Variants in ORC3 observed in about 807,000 individuals in gnomAD.
The protein encoded by ORC3 is homolog of latheo, Drosophila.
ORC3 carries 78 observed loss-of-function variants against 100.7 expected under a neutral mutation model. The observed-to-expected ratio is 0.77, with a 90% CI of 0.65 to 0.94. ORC3 has a LOEUF of 0.94. ORC3 is among the 40% of genes least tolerant of loss of function. ORC3 has a pLI of 0.00. For missense variants in ORC3, 789 were observed against 823.9 expected (o/e 0.96, Z 0.52); for synonymous variants, 295 against 289.3 (o/e 1.02, Z -0.20).
At chr6:87,676,105 A>C in the ORC3 span, among the ~76,000 whole-genome samples, 6 of 152,194 alleles carry the variant, frequency 3.9e-5, no homozygotes, top group African/African-American at 7.2e-5. Context: ...TTAGTCAGGA[A>C]ACCTAGGTTT....
At chr6:87,675,765 T>C in the ORC3 span, 1 of 1,474,870 alleles carries the variant, frequency 6.8e-7, no homozygotes, top group Non-Finnish European at 9.4e-7. Flanking sequence ...GTAATTTTGT[T>C]GAATTCTCTT....
At chr6:87,642,388 C>A (rs547398758) in intron 13 of ORC3, among the ~76,000 whole-genome samples, 1 of 151,608 alleles carries the variant, frequency 6.6e-6, no homozygotes, top group Middle Eastern at 3.2e-3. Context: ...GTCAGGAGTT[C>A]GAGACCAGCC....
At chr6:87,623,232 T>A (rs1779654682) in intron 11 of ORC3, among the ~76,000 whole-genome samples, 1 of 152,240 alleles carries the variant, frequency 6.6e-6, no homozygotes, top group Admixed American at 6.5e-5. Flanking sequence ...AAACATTATT[T>A]CTAATGTAGA....
chr6:87,633,014 G>A (rs1049305162), intron 11 of ORC3, among the ~76,000 whole-genome samples: 9 of 152,194 alleles, frequency 5.9e-5, no homozygotes, highest in African/African-American at 1.9e-4. Context: ...GGGCAGGTAT[G>A]TTCCTTGAGT....
intron 10 of ORC3, 67 bp from the exon 11 acceptor site, chr6:87,621,883 A>G (rs1779558531): frequency 5.5e-6 from 6 of 1,089,264 alleles, no homozygotes; most frequent in South Asian, 1.3e-5. Flanking sequence ...CTTTTTCCCA[A>G]TATGCTATTT....
rs752903608 is a variant in ORC3 at position 87,664,844 on chromosome 6, C to T, written c.1935C>T (p.Leu645=). ...LHLECSRLIN[L]VDWSEAFATV... ...TAGAGTGTAGCAGGCTCATCAACCT[C>T]GTGGACTGGTCAGAGGTAGGTTGTA... Residue 645 remains leucine, a synonymous_variant, in exon 18 of 20, where the codon CTC becomes CTT. Transcript: ENST00000392844. The T allele has an allele frequency of 6.2e-7, 1 of 1,608,296 alleles. No homozygotes were observed. The highest frequency in any genetic ancestry group is 8.5e-7 in the Non-Finnish European group (1 of 1,174,904).
intron 11 of ORC3, among the ~76,000 whole-genome samples, chr6:87,630,013 TA>T (rs1038528536): frequency 4.3e-4 from 66 of 152,026 alleles, no homozygotes; most frequent in South Asian, 8.3e-4. Flanking sequence ...AACATACATT[TA>T]AAAAAAATGT....
chr6:87,662,622 ACTTT>A (rs1364380092), intron 16 of ORC3, among the ~76,000 whole-genome samples: 1 of 152,198 alleles, frequency 6.6e-6, no homozygotes, highest in East Asian at 1.9e-4. Context: ...TTTCTCATTT[ACTTT>A]AAGAAATGCT....
At chr6:87,674,300 C>CTA in the ORC3 span, among the ~76,000 whole-genome samples, 4 of 55,852 alleles carry the variant, frequency 7.2e-5, no homozygotes, top group African/African-American at 9.9e-5. Flanking sequence ...AAAACTCTAT[C>CTA]TCAAAAAAAA....
intron 14 of ORC3, among the ~76,000 whole-genome samples, chr6:87,654,095 A>T (rs551010996): frequency 6.6e-6 from 1 of 152,312 alleles, no homozygotes; most frequent in Non-Finnish European, 1.5e-5. Flanking sequence ...TTTTTCATAT[A>T]TAATCACATA....
intron 11 of ORC3, among the ~76,000 whole-genome samples, chr6:87,625,677 G>GC (rs1318879826): frequency 6.6e-6 from 1 of 152,126 alleles, no homozygotes; most frequent in African/African-American, 2.4e-5. Context: ...ATTTTGCTGT[G>GC]CAGAAGCTCT....
intron 2 of ORC3, 175 bp downstream of exon 2, chr6:87,594,582 T>C: frequency 7.9e-7 from 1 of 1,260,374 alleles, no homozygotes; most frequent in Non-Finnish European, 1.0e-6. Context: ...AGGGCTCTAA[T>C]TGAAAAGAGA....
the ORC3 span, among the ~76,000 whole-genome samples, chr6:87,674,299 T>C: frequency 1.5e-5 from 1 of 66,196 alleles, no homozygotes; most frequent in African/African-American, 8.2e-5. Flanking sequence ...CAAAACTCTA[T>C]CTCAAAAAAA....
At chr6:87,623,878 T>A (rs761700534) in intron 11 of ORC3, among the ~76,000 whole-genome samples, 1 of 151,096 alleles carries the variant, frequency 6.6e-6, no homozygotes, top group Non-Finnish European at 1.5e-5. Context: ...AGCAAGACTC[T>A]GTCTTTAAAA....
At chr6:87,592,020 C>A (rs1391106837) in intron 1 of ORC3, among the ~76,000 whole-genome samples, 2 of 152,154 alleles carry the variant, frequency 1.3e-5, no homozygotes, top group Non-Finnish European at 2.9e-5. Context: ...CGTGAGCCAC[C>A]ACGCCCGGTC....
intron 2 of ORC3, 25 bp from the exon 3 acceptor site, chr6:87,601,759 C>G: frequency 7.8e-7 from 1 of 1,284,466 alleles, no homozygotes; most frequent in South Asian, 1.2e-5. Context: ...AAAAAAGAAA[C>G]TGACTTATTT....
chr6:87,668,543 C>T (rs1007202236), downstream of ORC3, among the ~76,000 whole-genome samples: 22 of 152,120 alleles, frequency 1.4e-4, no homozygotes, highest in African/African-American at 5.1e-4. Flanking sequence ...ATAATCAAAC[C>T]TCCTTCATTC....
At chr6:87,605,472 G>GT (rs1377377274) in intron 4 of ORC3, among the ~76,000 whole-genome samples, 1 of 152,144 alleles carries the variant, frequency 6.6e-6, no homozygotes, top group Non-Finnish European at 1.5e-5. Flanking sequence ...CCAACGTGGT[G>GT]AAACCCTGTC....
chr6:87,622,595 A>C (rs1203885286), intron 11 of ORC3, among the ~76,000 whole-genome samples: 1 of 152,126 alleles, frequency 6.6e-6, no homozygotes, highest in African/African-American at 2.4e-5. Context: ...AAATGGATAT[A>C]GTATACTATA....
Sources: gnomAD v4.1 joint callset for allele counts (sites outside exome capture counted in the v4.1 genomes callset) on GRCh38, gnomAD v4.1.1 for gene constraint, MANE v1.5 for transcripts, NCBI Gene and HGNC (gene_info 2026-07-23, HGNC 2026-07-21) for gene names.